Variants in NKD1 observed in about 807,000 individuals in gnomAD.
NKD1 encodes protein naked cuticle homolog 1.
NKD1 carries 21 observed loss-of-function variants against 56.0 expected under a neutral mutation model. That is an observed-to-expected ratio of 0.38 (90% CI 0.27 to 0.54). NKD1 has a LOEUF of 0.54. Among genes scored for constraint, NKD1 ranks in the 20% least tolerant of loss-of-function variants. The pLI is 0.82. For missense variants in NKD1, 578 were observed against 642.7 expected (o/e 0.90, Z 1.09); for synonymous variants, 263 against 265.7 (o/e 0.99, Z 0.10).
chr16:50,612,286 G>A (rs752164424), intron 4 of NKD1, among the ~76,000 whole-genome samples: 1 of 152,222 alleles, frequency 6.6e-6, no homozygotes, highest in Non-Finnish European at 1.5e-5. Flanking sequence ...TTGGGCAAAG[G>A]AACTTGGGAG....
In NKD1 at chr16:50,625,576, G is replaced by T. The variant is rs758306906; in HGVS notation, c.458G>T (p.Arg153Leu). The T allele has an allele frequency of 6.2e-7, 1 of 1,607,034 alleles. No individual in the cohort carries two copies. Among genetic ancestry groups the T allele is most frequent in the East Asian group, 2.2e-5 (1 of 44,850 alleles). Residue 153 changes from arginine (R) to leucine (L), a missense_variant, in exon 6 of 10, where the codon CGA becomes CTA. Coordinates refer to ENST00000268459, the MANE Select transcript of NKD1 (RefSeq NM_033119.5). ...TTTGACAACAACGGCAAGGTCACCC[G>T]AGAGGTGAGTGCACCTGCCTGGCCT... ...YDFDNNGKVT[R>L]EDITSLLHTI...
chr16:50,627,555 A>AC (rs1387476483), intron 6 of NKD1, among the ~76,000 whole-genome samples: 1 of 152,008 alleles, frequency 6.6e-6, no homozygotes, highest in Non-Finnish European at 1.5e-5. Context: ...CCCTGACGCC[A>AC]CCCCTCAAAT....
chr16:50,632,229 G>GC lies in NKD1; in HGVS notation c.696-47dup. ...GGGCTTCCTAGTAGCCTATGCGCTT[G>GC]CCCCCACCTGGTGGTTGGTGTTATC... On this transcript the variant is annotated intron_variant, in intron 8 of 9. Coordinates refer to ENST00000268459, the MANE Select transcript of NKD1 (RefSeq NM_033119.5). The surrounding 1 kb of genome is among the most constrained non-coding windows in gnomAD (Gnocchi z 4.1). The GC allele has an allele frequency of 1.2e-6, 2 of 1,602,740 alleles. No individual in the cohort carries two copies. The highest frequency in any genetic ancestry group is 1.7e-6 in the Non-Finnish European group (2 of 1,171,330).
intron 5 of NKD1, among the ~76,000 whole-genome samples, chr16:50,624,742 G>C (rs758802183): frequency 6.6e-6 from 1 of 152,208 alleles, no homozygotes; most frequent in Non-Finnish European, 1.5e-5. Flanking sequence ...CCAGGGAGGG[G>C]TGAGGAGGCC....
intron 6 of NKD1, among the ~76,000 whole-genome samples, chr16:50,628,036 C>T (rs909641241): frequency 6.6e-6 from 1 of 152,152 alleles, no homozygotes; most frequent in Non-Finnish European, 1.5e-5. Context: ...CTGCGGGCCT[C>T]GTCGAAAGAA....
intron 3 of NKD1, among the ~76,000 whole-genome samples, chr16:50,588,109 G>A (rs562174597): frequency 6.8e-4 from 104 of 152,314 alleles, no homozygotes; most frequent in African/African-American, 2.4e-3. Flanking sequence ...GGGAATGGCT[G>A]GTGGCCTGGT....
At position 50,598,725 on chromosome 16, in the gene NKD1, C is replaced by T. The variant is rs1162827256; in HGVS notation, c.193-9569C>T. ...GCACTCGGCTGTGTGGCGTGGCGGG[C>T]CAGTGGCTGGGCTAGTCAGCAGTGT... On this transcript the variant is annotated intron_variant, in intron 3 of 9. Coordinates refer to ENST00000268459, the MANE Select transcript of NKD1 (RefSeq NM_033119.5). The surrounding 1 kb of genome is among the most constrained non-coding windows in gnomAD (Gnocchi z 4.2). 1.3e-5 allele frequency among the ~76,000 whole-genome samples: 2 copies of T among 152,186 alleles called. No homozygotes were observed. The highest frequency in any genetic ancestry group is 2.4e-5 in the African/African-American group (1 of 41,450).
rs1309857209 is a variant in NKD1 at position 50,647,239 on chromosome 16, C to T, written c.*13458C>T. Reference sequence around the variant, plus strand: ...TCCTCACCTTTGCCAGTGACTGATTCAGGAAAGATCATGTGTGACCTTATT... The same window carrying T: ...TCCTCACCTTTGCCAGTGACTGATTTAGGAAAGATCATGTGTGACCTTATT... On this transcript the variant is annotated 3_prime_UTR_variant, in exon 10 of 10. Coordinates refer to ENST00000268459, the MANE Select transcript of NKD1 (RefSeq NM_033119.5). The T allele has an allele frequency of 1.3e-5, 2 of 152,158 alleles. No homozygotes were observed. Among genetic ancestry groups the T allele is most frequent in the Admixed American group, 6.5e-5 (1 of 15,282 alleles). 9.4% of individuals were successfully genotyped at this position (152,158 alleles called of 1,614,324 possible). A position where few individuals can be genotyped will look rare whatever the true frequency, so the allele number is the denominator to read the frequency against.
chr16:50,613,694 C>T (rs1596743757), intron 4 of NKD1: 1 of 144,564 alleles, frequency 6.9e-6, no homozygotes, highest in African/African-American at 2.6e-5. Flanking sequence ...TTTCAAGTAG[C>T]TCGGGGTTAG....
chr16:50,555,429 T>C (rs1960479735), intron 3 of NKD1: 3 of 152,328 alleles, frequency 2.0e-5, no homozygotes, highest in Non-Finnish European at 2.9e-5. Flanking sequence ...GCTGCCCCTG[T>C]GTCATGGACA....
chr16:50,625,894 C>G (rs977099800), intron 6 of NKD1, among the ~76,000 whole-genome samples: 2 of 152,244 alleles, frequency 1.3e-5, no homozygotes, highest in African/African-American at 4.8e-5. Flanking sequence ...CCCCAAGGCC[C>G]TAACCGAGTC....
At chr16:50,589,310 T>C (rs578230255) in intron 3 of NKD1, among the ~76,000 whole-genome samples, 30 of 152,348 alleles carry the variant, frequency 2.0e-4, no homozygotes, top group African/African-American at 7.0e-4. Context: ...CTCGCGCCAG[T>C]CCCTCAGACG....
In NKD1 at chr16:50,548,511, G is replaced by A. The variant is rs1333620276; in HGVS notation, c.-43G>A. On this transcript the variant is annotated 5_prime_UTR_variant, in exon 1 of 10. Transcript: ENST00000268459. ...AAGGGAGGCGCCAGGCCCGCGGGCC[G>A]GGCGCATGGCTTAGGGACGCTCCCG... 6 of 1,415,276 alleles carry A rather than the reference G, an allele frequency of 4.2e-6. No homozygotes were observed. Among genetic ancestry groups the A allele is most frequent in the South Asian group, 2.8e-5 (2 of 72,652 alleles). The allele number at this position is 1,415,276 out of a possible 1,614,324, so 87.7% of individuals were successfully genotyped here. A position where few individuals can be genotyped will look rare whatever the true frequency, so the allele number is the denominator to read the frequency against.
At position 50,615,918 on chromosome 16, in the gene NKD1, G is replaced by A. The variant is rs1026776730; in HGVS notation, c.260-5684G>A. The A allele has an allele frequency of 2.0e-5, 8 of 392,500 alleles. No individual in the cohort carries two copies. In the East Asian group the frequency reaches 2.9e-4, roughly 14 times the overall value. 24.3% of individuals were successfully genotyped at this position (392,500 alleles called of 1,614,324 possible). A position where few individuals can be genotyped will look rare whatever the true frequency, so the allele number is the denominator to read the frequency against. ...CATTCCCTAAGGAGAGCCTGATACA[G>A]ATACTGCAAGAAACCATTTGGCCTG... On this transcript the variant is annotated intron_variant, in intron 4 of 9. Transcript: ENST00000268459.
chr16:50,592,507 G>T (rs945296077), intron 3 of NKD1, among the ~76,000 whole-genome samples: 1 of 152,198 alleles, frequency 6.6e-6, no homozygotes, highest in African/African-American at 2.4e-5. Context: ...TTTATGTGTC[G>T]TTTTCCAGGC....
chr16:50,570,763 C>T, intron 3 of NKD1: 2 of 970,182 alleles, frequency 2.1e-6, no homozygotes, highest in South Asian at 4.8e-5. Context: ...GTAGGACTTC[C>T]ACTCCCAGGA....
chr16:50,613,504 G>C (rs1016201121), intron 4 of NKD1: 2 of 152,134 alleles, frequency 1.3e-5, no homozygotes, highest in Non-Finnish European at 2.9e-5. Context: ...CTGTCGGGGG[G>C]TGTCAGCGGC....
chr16:50,610,077 TCTC>T (rs1961809014), intron 4 of NKD1, among the ~76,000 whole-genome samples: 1 of 152,190 alleles, frequency 6.6e-6, no homozygotes, highest in Non-Finnish European at 1.5e-5. Context: ...AAACCTATAA[TCTC>T]AGCACTTTGG....
intron 3 of NKD1, among the ~76,000 whole-genome samples, chr16:50,590,125 A>G (rs1961331528): frequency 6.6e-6 from 1 of 152,152 alleles, no homozygotes; most frequent in Non-Finnish European, 1.5e-5. Context: ...GATTACAGGA[A>G]TGAGCCACTG....
Sources: gnomAD v4.1 joint callset for allele counts (sites outside exome capture counted in the v4.1 genomes callset) on GRCh38, gnomAD v4.1.1 for gene constraint, Gnocchi (gnomAD v3.1) non-coding constraint, MANE v1.5 for transcripts, NCBI Gene and HGNC (gene_info 2026-07-23, HGNC 2026-07-21) for gene names.